NME9: variants seen among roughly 807,000 people sequenced by gnomAD.
NME9 encodes thioredoxin domain-containing protein 6.
Under a neutral mutation model 44.4 loss-of-function variants are expected in NME9, and 48 were observed. That is an observed-to-expected ratio of 1.08 (90% confidence interval 0.86 to 1.37). NME9 has a LOEUF of 1.37. NME9 is among the 40% of genes most tolerant of loss of function. NME9 has a pLI of 0.00. For missense variants in NME9, 325 were observed against 405.2 expected (o/e 0.80, Z 1.70); for synonymous variants, 139 against 147.1 (o/e 0.94, Z 0.40).
chr3:138,306,284 C>G, intron 7 of NME9, 114 bp downstream of exon 7: 2 of 909,122 alleles, frequency 2.2e-6, no homozygotes, highest in Non-Finnish European at 3.6e-6. Flanking sequence ...TGAGCTACAA[C>G]CCCTTAGAAT....
At chr3:138,317,244 A>G (rs2053151009) in intron 4 of NME9, among the ~76,000 whole-genome samples, 1 of 152,182 alleles carries the variant, frequency 6.6e-6, no homozygotes, top group South Asian at 2.1e-4. Flanking sequence ...TCCCTACTAA[A>G]ATCCAAAGCT....
intron 8 of NME9, among the ~76,000 whole-genome samples, chr3:138,273,821 CTT>C (rs764799623): frequency 1.0e-4 from 15 of 145,098 alleles, no homozygotes; most frequent in Non-Finnish European, 7.6e-5. Context: ...ATGCTTCCCC[CTT>C]TTTTTTTTTT....
At chr3:138,313,458 A>G (rs977297762) in intron 6 of NME9, among the ~76,000 whole-genome samples, 2 of 152,158 alleles carry the variant, frequency 1.3e-5, no homozygotes, top group African/African-American at 4.8e-5. Flanking sequence ...GGGAATGTTC[A>G]TATACTGCTG....
intron 8 of NME9, among the ~76,000 whole-genome samples, chr3:138,285,857 C>G (rs1277651219): frequency 1.3e-5 from 2 of 152,218 alleles, no homozygotes; most frequent in Non-Finnish European, 2.9e-5. Context: ...TACTAATCCA[C>G]ACTGTATCCA....
intron 8 of NME9, among the ~76,000 whole-genome samples, chr3:138,282,797 CTAAT>C (rs2050064445): frequency 6.6e-6 from 1 of 152,166 alleles, no homozygotes; most frequent in African/African-American, 2.4e-5. Flanking sequence ...CTTCCCCAAA[CTAAT>C]TACTCCTGTT....
intron 8 of NME9, among the ~76,000 whole-genome samples, chr3:138,286,915 T>G (rs1025874300): frequency 2.6e-5 from 4 of 152,226 alleles, no homozygotes; most frequent in African/African-American, 9.6e-5. Flanking sequence ...TCTTGGAATC[T>G]ATCTTGATTT....
chr3:138,292,695 G>A (rs569457586), intron 8 of NME9, among the ~76,000 whole-genome samples: 17 of 152,286 alleles, frequency 1.1e-4, no homozygotes, highest in South Asian at 8.3e-4. Flanking sequence ...GTATGCCAGC[G>A]TTAAGATGCA....
intron 2 of NME9, 113 bp downstream of exon 2, chr3:138,324,760 G>T: frequency 2.7e-6 from 2 of 752,228 alleles, no homozygotes; most frequent in East Asian, 2.7e-5. Context: ...TTTTTATGAG[G>T]CTCAAGGTAA....
chr3:138,295,433 T>C (rs2051391976), intron 8 of NME9, among the ~76,000 whole-genome samples: 1 of 152,234 alleles, frequency 6.6e-6, no homozygotes. Flanking sequence ...TCGGTCAGTT[T>C]TCTTATTTGC....
intron 6 of NME9, among the ~76,000 whole-genome samples, chr3:138,312,402 T>C (rs1473038068): frequency 1.3e-5 from 2 of 151,986 alleles, no homozygotes; most frequent in Non-Finnish European, 2.9e-5. Context: ...AACAGCAAAA[T>C]ACTAGCATAA....
chr3:138,301,552 G>A lies in NME9; in HGVS notation c.*88C>T. 6.0e-6 allele frequency: 9 copies of A among 1,512,076 alleles called. No homozygotes were observed. Among genetic ancestry groups the A allele is most frequent in the Non-Finnish European group, 6.2e-6 (7 of 1,136,132 alleles). The allele number at this position is 1,512,076 out of a possible 1,614,324, so 93.7% of individuals were successfully genotyped here. ...AAGACAGCTAAACCAAAAAGTATTG[G>A]TACTCAAAAGAGTAAGTTCCGATTC... is the stretch of plus-strand genomic sequence containing the variant. On this transcript the variant is annotated 3_prime_UTR_variant, in exon 11 of 11. Transcript: ENST00000333911.
chr3:138,302,396 G>A (rs1379602172), intron 10 of NME9, among the ~76,000 whole-genome samples: 4 of 152,142 alleles, frequency 2.6e-5, no homozygotes, highest in Non-Finnish European at 5.9e-5. Context: ...ACTTGGCTCT[G>A]AGTTACAGCC....
At position 138,315,507 on chromosome 3, in the gene NME9, T is replaced by C. The variant is rs542977210; in HGVS notation, c.384+20A>G. On this transcript the variant is annotated intron_variant, in intron 5 of 10. Transcript: ENST00000333911. ...AGCGCACTTGTGAGTTAGCTGCTTATAGAAGTGACCTCCAGTTACCACTTT... is the reference window on the plus strand; with the variant it reads ...AGCGCACTTGTGAGTTAGCTGCTTACAGAAGTGACCTCCAGTTACCACTTT... 5 of 1,506,562 alleles carry C rather than the reference T, an allele frequency of 3.3e-6. No homozygotes were observed. The highest frequency in any genetic ancestry group is 1.7e-4 in the Middle Eastern group (1 of 5,922). 93.3% of individuals were successfully genotyped at this position (1,506,562 alleles called of 1,614,324 possible).
At chr3:138,319,818 A>C (rs1465905447) in intron 2 of NME9, among the ~76,000 whole-genome samples, 3 of 152,238 alleles carry the variant, frequency 2.0e-5, no homozygotes, top group Non-Finnish European at 2.9e-5. Context: ...ATAGCAGAAA[A>C]TAATTTTCTT....
chr3:138,287,342 G>A (rs1265987690), intron 8 of NME9, among the ~76,000 whole-genome samples: 1 of 152,070 alleles, frequency 6.6e-6, no homozygotes, highest in Non-Finnish European at 1.5e-5. Flanking sequence ...CAAGCCCCTT[G>A]CTCTTTGCAC....
chr3:138,319,018 T>C (rs1577189653), intron 3 of NME9, among the ~76,000 whole-genome samples: 2 of 152,048 alleles, frequency 1.3e-5, no homozygotes, highest in Non-Finnish European at 2.9e-5. Flanking sequence ...GGCAATATAA[T>C]TATACCTTGT....
intron 7 of NME9, 69 bp from the exon 8 acceptor site, chr3:138,306,165 G>T: frequency 1.7e-6 from 2 of 1,181,614 alleles, no homozygotes; most frequent in Non-Finnish European, 2.5e-6. Context: ...AATTAATTTA[G>T]TTGAAAGGTA....
At chr3:138,270,662 A>C (rs1176781054) in intron 8 of NME9, among the ~76,000 whole-genome samples, 1 of 152,104 alleles carries the variant, frequency 6.6e-6, no homozygotes, top group Non-Finnish European at 1.5e-5. Context: ...ATTAATTAAC[A>C]TGTGTATTAC....
chr3:138,298,798 C>T (rs555767445), downstream of NME9, among the ~76,000 whole-genome samples: 2 of 152,350 alleles, frequency 1.3e-5, no homozygotes, highest in Admixed American at 1.3e-4. Context: ...CGCACTGCCA[C>T]CTTTTCCCAT....
Sources: allele counts gnomAD v4.1 joint callset (sites outside exome capture counted in the v4.1 genomes callset), GRCh38; gene constraint gnomAD v4.1.1; transcripts MANE v1.5; gene names NCBI Gene and HGNC (gene_info 2026-07-23, HGNC 2026-07-21).